CNKSR1: variants seen among roughly 807,000 people sequenced by gnomAD.
CNKSR1 encodes connector enhancer of kinase suppressor of Ras 1.
Under a neutral mutation model 95.6 loss-of-function variants are expected in CNKSR1, and 88 were observed. That is an observed-to-expected ratio of 0.92 (90% CI 0.78 to 1.10). The LOEUF (loss-of-function observed/expected upper bound fraction) is 1.10. Ranked by LOEUF, CNKSR1 falls within the 50% of genes least tolerant of loss-of-function variation. The pLI is 0.00. For synonymous variants in CNKSR1, 355 were observed against 369.7 expected, an observed-to-expected ratio of 0.96 and a Z score of 0.46; for missense variants, 836 against 912.0, an observed-to-expected ratio of 0.92 and a Z score of 1.07.
chr1:26,184,561 C>T, intron 12 of CNKSR1, 24 bp from the exon 13 acceptor site: 1 of 1,608,050 alleles, frequency 6.2e-7, no homozygotes, highest in Non-Finnish European at 8.5e-7. Context: ...AGATCCTTCT[C>T]TCACCCTTCT....
At chr1:26,182,201 C>G in intron 4 of CNKSR1, 160 bp from the exon 5 acceptor site, 1 of 765,498 alleles carries the variant, frequency 1.3e-6, no homozygotes, top group Non-Finnish European at 2.2e-6. Context: ...GGGAAACGAG[C>G]CCTCTGGTTA....
intron 16 of CNKSR1, among the ~76,000 whole-genome samples, chr1:26,187,703 A>G (rs1255777208): frequency 1.3e-5 from 2 of 149,178 alleles, no homozygotes; most frequent in Admixed American, 6.8e-5. Context: ...GCTCACTGCA[A>G]TCTCCGCCTC....
chr1:26,189,425 C>T lies in CNKSR1; in HGVS notation c.2019C>T (p.Ser673=), dbSNP rs115839469. The T allele has an allele frequency of 3.5e-4, 567 of 1,614,124 alleles. No homozygotes were observed. Among genetic ancestry groups the T allele is most frequent in the Non-Finnish European group, 4.4e-4 (525 of 1,180,004 alleles). The change falls in exon 21 of 21, where the codon AGC becomes AGT. Residue 673 remains serine (S), a synonymous_variant. Transcript: ENST00000361530. Reference sequence around the variant, plus strand: ...GGGGAGTGGCACAGGCTGAAGGCAGCTCCCACATCTTGACCTCTGACTCCA... The same window carrying T: ...GGGGAGTGGCACAGGCTGAAGGCAGTTCCCACATCTTGACCTCTGACTCCA... The part of the protein sequence containing the change: ...GAWGVAQAEG[S]SHILTSDSTE...
At chr1:26,182,759 C>T (rs1299487439) in intron 6 of CNKSR1, among the ~76,000 whole-genome samples, 175 bp downstream of exon 6, 1 of 152,188 alleles carries the variant, frequency 6.6e-6, no homozygotes, top group Non-Finnish European at 1.5e-5. Flanking sequence ...TGCTCTGCAC[C>T]TCCCCAGTCC....
chr1:26,187,458 C>T lies in CNKSR1; in HGVS notation c.1430C>T (p.Ala477Val). ...HDVYKPFIFA[A>V]DTLTDLSMWV... ...GTGTACAAACCCTTCATCTTCGCTG[C>T]TGATACCCTGACAGATCTGAGCATG... Residue 477 changes from alanine (A) to valine (V), a missense_variant, in exon 16 of 21, where the codon GCT (alanine) becomes GTT (valine). Physicochemically the swap from Ala to Val is moderately conservative, Grantham distance 64 (BLOSUM62 0). Transcript: ENST00000361530. 1 of 1,614,054 alleles carries T rather than the reference C, an allele frequency of 6.2e-7. No individual in the cohort carries two copies. The highest frequency in any genetic ancestry group is 1.3e-5 in the African/African-American group (1 of 75,002).
rs763898901 is a variant in CNKSR1, at chr1:26,187,210, C to T, written c.1351C>T (p.Leu451=). ...EGLINVSNYS[L]ESGHDQKKKY... ...CCTCATCAATGTCTCCAACTATAGT[C>T]TGGAAAGTGGACATGATCAGAAGAA... The change falls in exon 15 of 21, where the codon CTG becomes TTG. Residue 451 remains leucine, a synonymous_variant. Transcript: ENST00000361530. 5.5e-5 allele frequency: 88 copies of T among 1,613,936 alleles called. No homozygotes were observed. Among genetic ancestry groups the T allele is most frequent in the Non-Finnish European group, 7.2e-5 (85 of 1,179,946 alleles).
intron 16 of CNKSR1, among the ~76,000 whole-genome samples, chr1:26,187,966 G>T (rs193190408): frequency 1.3e-5 from 2 of 151,904 alleles, no homozygotes; most frequent in Admixed American, 1.3e-4. Context: ...AGATGGGTTT[G>T]CCCTAGCTGG....
At chr1:26,184,000 C>G (rs1426757874) in intron 9 of CNKSR1, 71 bp from the exon 10 acceptor site, 1 of 1,030,250 alleles carries the variant, frequency 9.7e-7, no homozygotes, top group Non-Finnish European at 1.5e-6. Context: ...CTGCTGCTCC[C>G]CTACCCCTGT....
intron 1 of CNKSR1, among the ~76,000 whole-genome samples, chr1:26,179,986 A>G (rs1160193748): frequency 6.6e-6 from 1 of 152,032 alleles, no homozygotes; most frequent in Admixed American, 6.6e-5. Flanking sequence ...AAATACAAAA[A>G]TTAGCTGGGT....
chr1:26,188,281 G>A lies in CNKSR1; in HGVS notation c.1502G>A (p.Gly501Asp), dbSNP rs774210561. ...ITCISKYQSP[G>D]RAPPPREEDC... ...TGCATCTCCAAGTACCAGTCTCCAGGCCGGGCCCCCCCACCCCGAGAGGAA... is the reference window on the plus strand; with the variant it reads ...TGCATCTCCAAGTACCAGTCTCCAGACCGGGCCCCCCCACCCCGAGAGGAA... Residue 501 changes from glycine (G) to aspartate (D), a missense_variant, in exon 17 of 21, where the codon GGC becomes GAC. Physicochemically the swap from Gly to Asp is moderately conservative, Grantham distance 94 (BLOSUM62 -1). Coordinates refer to ENST00000361530, the MANE Select transcript of CNKSR1 (RefSeq NM_006314.3). The A allele has an allele frequency of 2.5e-6, 4 of 1,614,016 alleles. No individual in the cohort carries two copies. Among genetic ancestry groups the A allele is most frequent in the African/African-American group, 1.3e-5 (1 of 74,904 alleles).
At position 26,187,164 on chromosome 1, in the gene CNKSR1, C is replaced by G. The variant is rs749867539; in HGVS notation, c.1309-4C>G. On this transcript the variant is annotated splice_polypyrimidine_tract_variant and splice_region_variant and intron_variant, in intron 14 of 20. Transcript: ENST00000361530. ...ACCTGACCCTCATGCTGTGATCCCC[C>G]CAGGATGAGAAGGCTGAGGGCCTCA... The G allele has an allele frequency of 5.2e-5, 84 of 1,612,660 alleles. No individual in the cohort carries two copies. Among genetic ancestry groups the G allele is most frequent in the Non-Finnish European group, 6.7e-5 (79 of 1,178,928 alleles).
Position 26,189,443 on chromosome 1 carries a change from T to C in CNKSR1, c.2037T>C (p.Ser679=), listed in dbSNP as rs754346719. Residue 679 remains serine, a synonymous_variant, in exon 21 of 21, where the codon TCT becomes TCC. Transcript: ENST00000361530. The stretch of plus-strand genomic sequence containing the variant: ...AAGGCAGCTCCCACATCTTGACCTC[T>C]GACTCCACAGAACAGTCCCCCCACT... ...QAEGSSHILT[S]DSTEQSPHSL... 48 of 1,613,966 alleles carry C rather than the reference T, an allele frequency of 3.0e-5. No individual in the cohort carries two copies. The East Asian group carries it at 6.5e-4, about 22-fold the overall frequency.
intron 4 of CNKSR1, 199 bp downstream of exon 4, chr1:26,182,140 A>G: frequency 1.4e-6 from 1 of 718,222 alleles, no homozygotes; most frequent in South Asian, 1.7e-5. Context: ...GACACTCAGG[A>G]CAGGGAAGGA....
chr1:26,183,580 A>G (rs2088683298), intron 8 of CNKSR1, 149 bp from the exon 9 acceptor site: 2 of 1,001,424 alleles, frequency 2.0e-6, no homozygotes, highest in South Asian at 2.6e-5. Context: ...AGCCCAGGTG[A>G]TGGGGCCCAT....
At chr1:26,183,918 C>G (rs1386105263) in intron 9 of CNKSR1, 88 bp downstream of exon 9, 1 of 447,150 alleles carries the variant, frequency 2.2e-6, no homozygotes, top group African/African-American at 3.3e-5. Context: ...TGCCTTCAGA[C>G]CCCCCCCAAC....
rs1340953584 is a variant in CNKSR1, at chr1:26,177,511, C to T, written c.-37C>T. 1 of 1,613,026 alleles carries T rather than the reference C, an allele frequency of 6.2e-7. No individual in the cohort carries two copies. The highest frequency in any genetic ancestry group is 1.7e-5 in the Admixed American group (1 of 59,936). On this transcript the variant is annotated 5_prime_UTR_variant, in exon 1 of 21. Coordinates refer to ENST00000361530, the MANE Select transcript of CNKSR1 (RefSeq NM_006314.3). ...AGCGGAAATTCCGGCGACAGCAGGG[C>T]AAAACAGGAGCTGATTCGAGCTGGC...
chr1:26,181,790 G>T, intron 3 of CNKSR1, 67 bp from the exon 4 acceptor site: 2 of 1,467,650 alleles, frequency 1.4e-6, no homozygotes, highest in African/African-American at 1.4e-5. Context: ...GTGAGTAATT[G>T]GTGAGTAATT....
chr1:26,188,820 G>C lies in CNKSR1; in HGVS notation c.1739G>C (p.Gly580Ala). Reference protein sequence around the residue: ...LEGMVRGLRQGGVSLLGQPQP... With the variant: ...LEGMVRGLRQAGVSLLGQPQP... The stretch of plus-strand genomic sequence containing the variant: ...GGAATGGTACGGGGGCTGAGGCAGG[G>C]TGGCGTGTCCCTCCTAGGCCAGCCA... The change falls in exon 20 of 21, where the codon GGT (glycine) becomes GCT (alanine). Residue 580 changes from glycine to alanine, a missense_variant. Coordinates refer to ENST00000361530, the MANE Select transcript of CNKSR1 (RefSeq NM_006314.3). 1 of 1,612,548 alleles carries C rather than the reference G, an allele frequency of 6.2e-7. No individual in the cohort carries two copies. The highest frequency in any genetic ancestry group is 8.5e-7 in the Non-Finnish European group (1 of 1,179,394).
chr1:26,181,164 C>A (rs962243638), intron 3 of CNKSR1: 1 of 418,148 alleles, frequency 2.4e-6, no homozygotes, highest in African/African-American at 2.1e-5. Context: ...ACCTGTAATC[C>A]CAGCTACTGG....
Sources: allele counts gnomAD v4.1 joint callset (sites outside exome capture counted in the v4.1 genomes callset), GRCh38; gene constraint gnomAD v4.1.1; transcripts MANE v1.5; gene names NCBI Gene and HGNC (gene_info 2026-07-23, HGNC 2026-07-21).